The following NLRP2 variants were observed in gnomAD, a reference collection of about 807,000 sequenced individuals.
NLRP2 encodes NACHT, LRR and PYD domains-containing protein 2.
A neutral mutation model predicts 97.2 loss-of-function variants in NLRP2; 107 were observed. That is an observed-to-expected ratio of 1.10 (90% confidence interval 0.94 to 1.29). NLRP2 has a LOEUF of 1.29. Among genes scored for constraint, NLRP2 ranks in the 50% most tolerant of loss-of-function variants. NLRP2 has a pLI of 0.00. For synonymous variants in NLRP2, 663 were observed against 551.5 expected, an observed-to-expected ratio of 1.20 and a Z score of -2.83; for missense variants, 1,495 against 1,330.3, an observed-to-expected ratio of 1.12 and a Z score of -1.93.
rs73612090 is a variant in NLRP2, at chr19:55,001,107, T to G, written c.*209T>G. 2 of 543,904 alleles carry G rather than the reference T, an allele frequency of 3.7e-6. No individual in the cohort carries two copies. Among genetic ancestry groups the G allele is most frequent in the Non-Finnish European group, 6.6e-6 (2 of 303,454 alleles). The allele number at this position is 543,904 out of a possible 1,614,324, so 33.7% of individuals were successfully genotyped here. ...ATGAAATATCTGTATCACGGGTATATTGAGAGAAATAAAGGTGAGAGCATT... is the reference window on the plus strand; with the variant it reads ...ATGAAATATCTGTATCACGGGTATAGTGAGAGAAATAAAGGTGAGAGCATT... On this transcript the variant is annotated 3_prime_UTR_variant, in exon 13 of 13. Coordinates refer to ENST00000448584, the MANE Select transcript of NLRP2 (RefSeq NM_017852.5).
chr19:54,970,528 A>G (rs1381287594), intron 2 of NLRP2, among the ~76,000 whole-genome samples: 1 of 151,826 alleles, frequency 6.6e-6, no homozygotes, highest in Non-Finnish European at 1.5e-5. Context: ...GGTGGCAGAC[A>G]CCTGTAATCC....
chr19:54,974,577 A>AT (rs1568473492), intron 3 of NLRP2, 33 bp downstream of exon 3: 1 of 1,418,246 alleles, frequency 7.1e-7, no homozygotes, highest in South Asian at 1.2e-5. Context: ...TTTATTCTTC[A>AT]TGTGAGATCT....
rs1166770833 is a variant in NLRP2, at chr19:54,986,062, A to G, written c.2202-89A>G. 6 of 886,574 alleles carry G rather than the reference A, an allele frequency of 6.8e-6. No homozygotes were observed. In the Admixed American group the frequency reaches 8.1e-5, roughly 12 times the overall value. 54.9% of individuals were successfully genotyped at this position (886,574 alleles called of 1,614,324 possible). A position where few individuals can be genotyped will look rare whatever the true frequency, so the allele number is the denominator to read the frequency against. ...TTAAACATGGAAAAAATAGTTCCTA[A>G]AGTTTAAATATATCGAGCCCCTGGT... On this transcript the variant is annotated intron_variant, in intron 7 of 12. Coordinates refer to ENST00000448584, the MANE Select transcript of NLRP2 (RefSeq NM_017852.5).
intron 10 of NLRP2, among the ~76,000 whole-genome samples, chr19:54,992,544 G>A (rs1417770298): frequency 7.3e-6 from 1 of 137,338 alleles, no homozygotes; most frequent in Non-Finnish European, 1.5e-5. Flanking sequence ...TTTTTGGGGG[G>A]GGGGGGGTTT....
chr19:54,984,485 C>CTTTTTTTTTTTGTTTTTTTTTTTTTT (rs2071911628), intron 6 of NLRP2, among the ~76,000 whole-genome samples: 1 of 76,914 alleles, frequency 1.3e-5, no homozygotes, highest in African/African-American at 7.6e-5. Context: ...TATTCCCAAT[C>CTTTTTTTTTTTGTTTTTTTTTTTTTT]TTTTTTTTTT....
intron 4 of NLRP2, among the ~76,000 whole-genome samples, chr19:54,980,994 C>A (rs530760020): frequency 2.0e-5 from 3 of 152,056 alleles, no homozygotes; most frequent in Admixed American, 2.0e-4. Flanking sequence ...GCCTGTAATT[C>A]CAGTTACTTG....
At chr19:54,997,508 C>T in intron 12 of NLRP2, 21 bp downstream of exon 12, 3 of 1,613,840 alleles carry the variant, frequency 1.9e-6, no homozygotes, top group Non-Finnish European at 2.5e-6. Flanking sequence ...TTTACTTCCC[C>T]ATCAGGCTTT....
chr19:54,972,303 T>C (rs1215647702), intron 2 of NLRP2, among the ~76,000 whole-genome samples: 1 of 151,962 alleles, frequency 6.6e-6, no homozygotes. Context: ...TGCATCAGCC[T>C]CTTGAATAGC....
chr19:54,985,671 G>C (rs2116886), intron 7 of NLRP2, among the ~76,000 whole-genome samples: 27,858 of 129,882 alleles, frequency 0.21, 3,232 homozygotes, highest in Non-Finnish European at 0.27. Flanking sequence ...GAGCGAGACT[G>C]CGTCTCAAAA....
chr19:54,969,065 G>A (rs1374025813), intron 1 of NLRP2, among the ~76,000 whole-genome samples: 4 of 152,056 alleles, frequency 2.6e-5, no homozygotes, highest in South Asian at 2.1e-4. Context: ...GGTGATCCAC[G>A]TAGCTCCCCA....
chr19:54,973,977 G>C lies in NLRP2; in HGVS notation c.281-523G>C, dbSNP rs560354720. 757 of 1,186,178 alleles carry C rather than the reference G, an allele frequency of 6.4e-4. 5 individuals are homozygous for C. The African/African-American group carries it at 0.011, about 17-fold the overall frequency. The allele number at this position is 1,186,178 out of a possible 1,614,324, so 73.5% of individuals were successfully genotyped here. A position where few individuals can be genotyped will look rare whatever the true frequency, so the allele number is the denominator to read the frequency against. ...GGTGGGCAGACTAAGCCGATTTTCC[G>C]GAAAAAGGCTAAAACTACAAAGAAG... On this transcript the variant is annotated intron_variant, in intron 2 of 12. Coordinates refer to ENST00000448584, the MANE Select transcript of NLRP2 (RefSeq NM_017852.5).
intron 7 of NLRP2, among the ~76,000 whole-genome samples, chr19:54,985,871 G>A (rs1302837692): frequency 1.3e-5 from 2 of 151,874 alleles, no homozygotes; most frequent in East Asian, 3.9e-4. Context: ...CGTGGCAGGT[G>A]CCTATAATCC....
intron 1 of NLRP2, among the ~76,000 whole-genome samples, chr19:54,966,791 G>T (rs962190157): frequency 6.7e-5 from 10 of 148,338 alleles, no homozygotes; most frequent in Non-Finnish European, 1.5e-4. Context: ...CTCCCAAGGT[G>T]CCGGGATTAC....
At chr19:54,999,762 A>T (rs1173206522) in intron 12 of NLRP2, among the ~76,000 whole-genome samples, 1 of 151,998 alleles carries the variant, frequency 6.6e-6, no homozygotes, top group African/African-American at 2.4e-5. Context: ...TTTAGACAAA[A>T]ATCTCACTCT....
chr19:54,972,657 A>T (rs575845086), intron 2 of NLRP2, among the ~76,000 whole-genome samples: 67 of 151,950 alleles, frequency 4.4e-4, no homozygotes, highest in African/African-American at 1.6e-3. Flanking sequence ...GGGTTTCACC[A>T]TGTTGCCCAG....
intron 2 of NLRP2, among the ~76,000 whole-genome samples, chr19:54,973,301 C>A (rs1007354713): frequency 6.8e-6 from 1 of 146,562 alleles, no homozygotes. Context: ...AGCTAGAGAT[C>A]ACTTTTTAGC....
At position 54,966,906 on chromosome 19, in the gene NLRP2, A is replaced by T. The variant is rs914768562; in HGVS notation, c.-18+439A>T. ...TCCCAGGCTGGAGCGCTGTGGCAGGATCTCGGCTCACTGAACCCTTGACCT... is the reference window on the plus strand; with the variant it reads ...TCCCAGGCTGGAGCGCTGTGGCAGGTTCTCGGCTCACTGAACCCTTGACCT... On this transcript the variant is annotated intron_variant, in intron 1 of 12. Transcript: ENST00000448584. 2.1e-4 allele frequency among the ~76,000 whole-genome samples: 28 copies of T among 133,910 alleles called. 1 individual carries two copies. The highest frequency in any genetic ancestry group is 7.2e-4 in the African/African-American group (25 of 34,848). 87.9% of individuals were successfully genotyped at this position (133,910 alleles called of 152,430 possible). A position where few individuals can be genotyped will look rare whatever the true frequency, so the allele number is the denominator to read the frequency against.
At chr19:54,977,863 A>AG (rs1466753659) in intron 4 of NLRP2, 40 bp downstream of exon 4, 1 of 1,579,504 alleles carries the variant, frequency 6.3e-7, no homozygotes, top group East Asian at 2.2e-5. Context: ...CAGCTGAGGA[A>AG]GCCCCCCGTT....
chr19:54,982,109 C>G, intron 5 of NLRP2, 53 bp from the exon 6 acceptor site: 2 of 1,611,504 alleles, frequency 1.2e-6, no homozygotes, highest in Non-Finnish European at 1.7e-6. Flanking sequence ...TTGGTTTTCC[C>G]TATGGGTAAC....
Sources: gnomAD v4.1 joint callset for allele counts (sites outside exome capture counted in the v4.1 genomes callset) on GRCh38, gnomAD v4.1.1 for gene constraint, MANE v1.5 for transcripts, NCBI Gene and HGNC (gene_info 2026-07-23, HGNC 2026-07-21) for gene names.